Variants in CHM observed in about 807,000 individuals in gnomAD.
The protein encoded by CHM is CHM Rab escort protein.
Under a neutral mutation model 49.0 loss-of-function variants are expected in CHM, and 10 were observed. The ratio of observed to expected loss-of-function variants is 0.20; its 90% CI spans 0.13 to 0.35. CHM has a LOEUF of 0.35. Ranked by LOEUF, CHM falls within the 10% of genes least tolerant of loss-of-function variation. The pLI is 1.00. For missense variants in CHM, 455 were observed against 478.4 expected (o/e 0.95, Z 0.46); for synonymous variants, 184 against 167.5 (o/e 1.10, Z -0.76).
rs1171408352 is a variant in CHM, at chrX:85,864,697, G to A, written c.1895C>T (p.Pro632Leu). The A allele has an allele frequency of 6.6e-6, 8 of 1,207,552 alleles. No individual in the cohort carries two copies. The Admixed American group carries it at 1.8e-4, about 26-fold the overall frequency. The change falls in exon 15 of 15, where the codon CCA becomes CTA. Residue 632 changes from proline (P) to leucine (L), a missense_variant. By Grantham distance (98) the Pro-to-Leu change is moderately conservative (BLOSUM62 -3). Coordinates refer to ENST00000357749, the MANE Select transcript of CHM (RefSeq NM_000390.4). ...QPEASESSAI[P>L]EANSETFKES... ...CTTGAAAGTCTCCGAGTTAGCCTCT[G>A]GTATGGCACTGGATTCTGAAGCCTC...
At chrX:85,866,764 G>A (rs1029426034) in intron 14 of CHM, among the ~76,000 whole-genome samples, 1 of 113,207 alleles carries the variant, frequency 8.8e-6, no homozygotes, top group African/African-American at 3.2e-5. Flanking sequence ...TGGAGTCAAA[G>A]GAGATTTTGG....
At chrX:85,891,141 T>C (rs886629489) in intron 12 of CHM, among the ~76,000 whole-genome samples, 53 of 111,948 alleles carry the variant, frequency 4.7e-4, no homozygotes, top group African/African-American at 1.6e-3. Context: ...AAAAGGTGAC[T>C]TGGGTGCTGT....
At chrX:85,870,136 C>T (rs1923956553) in intron 14 of CHM, among the ~76,000 whole-genome samples, 1 of 111,187 alleles carries the variant, frequency 9.0e-6, no homozygotes, top group African/African-American at 3.3e-5. Flanking sequence ...GTTATTCAGC[C>T]CCTTCAGGAC....
chrX:85,863,257 A>C lies in CHM; in HGVS notation c.*1373T>G, dbSNP rs966658571. The stretch of plus-strand genomic sequence containing the variant: ...CAGGTGCCCACCATAACACCCAGCT[A>C]AAATTTTGTATTTTTAGTAGAGACA... On this transcript the variant is annotated 3_prime_UTR_variant, in exon 15 of 15. Transcript: ENST00000357749. 3 of 111,310 alleles carry C rather than the reference A, an allele frequency of 2.7e-5. No homozygotes were observed. Among genetic ancestry groups the C allele is most frequent in the Non-Finnish European group, 3.8e-5 (2 of 53,055 alleles). 9.2% of individuals were successfully genotyped at this position (111,310 alleles called of 1,213,427 possible).
At chrX:85,918,404 G>T (rs1927579341) in intron 8 of CHM, among the ~76,000 whole-genome samples, 1 of 111,726 alleles carries the variant, frequency 9.0e-6, no homozygotes, top group East Asian at 2.8e-4. Context: ...GATCCTCAAA[G>T]GACCTAAATA....
chrX:85,943,192 A>G (rs1408097648), intron 8 of CHM, among the ~76,000 whole-genome samples: 2 of 110,337 alleles, frequency 1.8e-5, no homozygotes, highest in African/African-American at 6.6e-5. Flanking sequence ...ACAAAGGGCT[A>G]ATATCCAGAA....
intron 1 of CHM, among the ~76,000 whole-genome samples, chrX:86,041,757 T>TATATAC (rs1555971148): frequency 5.3e-5 from 5 of 93,955 alleles, no homozygotes; most frequent in Non-Finnish European, 1.0e-4. Flanking sequence ...TATATATATA[T>TATATAC]ACATATATAT....
intron 9 of CHM, among the ~76,000 whole-genome samples, chrX:85,910,274 A>T (rs900567272): frequency 8.9e-6 from 1 of 111,751 alleles, no homozygotes; most frequent in Non-Finnish European, 1.9e-5. Flanking sequence ...TTGTAAAATG[A>T]AAGAAACAGC....
At chrX:85,934,068 C>A (rs1928606316) in intron 8 of CHM, among the ~76,000 whole-genome samples, 1 of 108,439 alleles carries the variant, frequency 9.2e-6, no homozygotes, top group Admixed American at 9.9e-5. Context: ...GCAACCTCCG[C>A]CTCCTGGGTT....
At chrX:85,949,235 G>C (rs775049304) in intron 8 of CHM, among the ~76,000 whole-genome samples, 10 of 112,032 alleles carry the variant, frequency 8.9e-5, no homozygotes, top group Non-Finnish European at 1.5e-4. Flanking sequence ...TTTTATATCT[G>C]TACATGACAA....
intron 8 of CHM, among the ~76,000 whole-genome samples, chrX:85,922,886 C>T (rs1197305036): frequency 8.9e-6 from 1 of 112,008 alleles, no homozygotes; most frequent in Non-Finnish European, 1.9e-5. Context: ...AATGAGTGTT[C>T]CACTACAACA....
At chrX:85,994,118 C>G (rs189273163) in intron 2 of CHM, among the ~76,000 whole-genome samples, 19 of 112,023 alleles carry the variant, frequency 1.7e-4, no homozygotes, top group Non-Finnish European at 3.2e-4. Context: ...ATTAATCAAG[C>G]CTTTGGCACC....
At chrX:86,004,310 G>C (rs1932806986) in intron 2 of CHM, among the ~76,000 whole-genome samples, 2 of 111,923 alleles carry the variant, frequency 1.8e-5, no homozygotes, top group South Asian at 7.5e-4. Flanking sequence ...GCAAAAACAT[G>C]CCAAATTGTA....
intron 1 of CHM, among the ~76,000 whole-genome samples, chrX:86,035,823 T>A (rs768868335): frequency 7.6e-4 from 65 of 85,351 alleles, no homozygotes; most frequent in Admixed American, 1.2e-3. Context: ...AGATGGAGCC[T>A]CGCTCTGTTG....
chrX:85,993,853 A>T (rs1014160680), intron 2 of CHM, among the ~76,000 whole-genome samples: 1 of 112,019 alleles, frequency 8.9e-6, no homozygotes, highest in Non-Finnish European at 1.9e-5. Context: ...AAAAGACAGA[A>T]CTACTCAAAT....
At chrX:86,022,884 A>G (rs1356663977) in intron 2 of CHM, among the ~76,000 whole-genome samples, 2 of 111,344 alleles carry the variant, frequency 1.8e-5, no homozygotes, top group African/African-American at 6.5e-5. Flanking sequence ...AATTCCTTGC[A>G]TAAGTAAATG....
chrX:85,951,846 C>T (rs1355948340), intron 8 of CHM, among the ~76,000 whole-genome samples: 1 of 112,585 alleles, frequency 8.9e-6, no homozygotes, highest in African/African-American at 3.2e-5. Flanking sequence ...ATGGTCAATG[C>T]CAACCCTCCC....
chrX:85,892,173 T>C (rs1431724343), intron 12 of CHM, among the ~76,000 whole-genome samples: 1 of 111,586 alleles, frequency 9.0e-6, no homozygotes, highest in East Asian at 2.8e-4. Context: ...TTGCCTTGTG[T>C]CAGATGAGAC....
intron 1 of CHM, among the ~76,000 whole-genome samples, chrX:86,038,693 T>C (rs766651462): frequency 1.8e-5 from 2 of 112,337 alleles, no homozygotes; most frequent in Non-Finnish European, 3.8e-5. Flanking sequence ...GCTTTAGTGG[T>C]TGATTCTCTC....
Sources: gnomAD v4.1 joint callset for allele counts (sites outside exome capture counted in the v4.1 genomes callset) on GRCh38, gnomAD v4.1.1 for gene constraint, MANE v1.5 for transcripts, NCBI Gene and HGNC (gene_info 2026-07-23, HGNC 2026-07-21) for gene names.